Variants in CDH18 observed in about 807,000 individuals in gnomAD.
CDH18 encodes the protein cadherin 18, also known as cadherin-18.
Under a neutral mutation model 67.9 loss-of-function variants are expected in CDH18, and 31 were observed. That is an observed-to-expected ratio of 0.46 (90% CI 0.34 to 0.62). CDH18 has a LOEUF of 0.62. Among genes scored for constraint, CDH18 ranks in the 20% least tolerant of loss-of-function variants. The probability of loss-of-function intolerance (pLI) is 0.01; values close to 1 mark genes in which losing one functional copy is unlikely to be tolerated. For missense variants in CDH18, 890 were observed against 975.5 expected, an observed-to-expected ratio of 0.91 and a Z score of 1.17; for synonymous variants, 362 against 347.2, an observed-to-expected ratio of 1.04 and a Z score of -0.48.
rs150995574 is a variant in CDH18, at chr5:20,367,582, A to G, written c.-579-112077T>C. 4.1e-3 allele frequency among the ~76,000 whole-genome samples: 630 copies of G among 152,370 alleles called. 2 individuals carry two copies. Among genetic ancestry groups the G allele is most frequent in the Non-Finnish European group, 7.0e-3 (473 of 68,042 alleles). ...ACAATATTTTTAGACAATATGTAAC[A>G]ACAAGCATTCCCTTCCCACAAACAA... On this transcript the variant is annotated intron_variant, in intron 1 of 14. Transcript: ENST00000507958.
chr5:20,224,501 C>T (rs1167095082), intron 2 of CDH18, among the ~76,000 whole-genome samples: 1 of 146,156 alleles, frequency 6.8e-6, no homozygotes, highest in South Asian at 2.2e-4. Context: ...CTTGGATTTT[C>T]GCCAGGCAAA....
At chr5:19,850,564 C>T (rs1254610093) in intron 2 of CDH18, among the ~76,000 whole-genome samples, 4 of 151,762 alleles carry the variant, frequency 2.6e-5, no homozygotes, top group Admixed American at 2.6e-4. Context: ...CTAGGATAAA[C>T]TCTAGGAACA....
intron 1 of CDH18, among the ~76,000 whole-genome samples, chr5:20,401,257 A>G (rs1273881619): frequency 6.6e-6 from 1 of 152,216 alleles, no homozygotes; most frequent in Non-Finnish European, 1.5e-5. Flanking sequence ...TAAGTAGTCG[A>G]AATAATGAAA....
chr5:20,539,981 A>AT lies in CDH18; in HGVS notation c.-580+35480dup, dbSNP rs544393852. ...TAATGTCTAAACTGTCCAAATATGT[A>AT]TTTTTTTATTAAACCTAATAAACTG... is the stretch of plus-strand genomic sequence containing the variant. On this transcript the variant is annotated intron_variant, in intron 1 of 14. Transcript: ENST00000507958. Among the ~76,000 whole-genome samples the AT allele has an allele frequency of 2.0e-4, 30 of 152,152 alleles. 1 individual carries two copies. The highest frequency in any genetic ancestry group is 7.0e-4 in the African/African-American group (29 of 41,430).
At chr5:20,478,375 C>T (rs879121280) in intron 1 of CDH18, among the ~76,000 whole-genome samples, 1 of 152,154 alleles carries the variant, frequency 6.6e-6, no homozygotes. Context: ...ATGTCTGCTG[C>T]CCTGAAGGCA....
intron 2 of CDH18, among the ~76,000 whole-genome samples, chr5:19,856,315 C>G (rs1379806586): frequency 2.0e-5 from 3 of 152,058 alleles, no homozygotes; most frequent in African/African-American, 7.2e-5. Context: ...ATGTACTGCC[C>G]TAAAATTTTA....
chr5:19,846,826 T>A (rs562433887), intron 2 of CDH18, among the ~76,000 whole-genome samples: 4 of 152,270 alleles, frequency 2.6e-5, no homozygotes, highest in South Asian at 4.1e-4. Context: ...GGTAATGAAC[T>A]CCCTCAGTAT....
At chr5:19,869,119 T>C (rs1478798838) in intron 2 of CDH18, among the ~76,000 whole-genome samples, 1 of 152,186 alleles carries the variant, frequency 6.6e-6, no homozygotes, top group African/African-American at 2.4e-5. Flanking sequence ...CTGTGCCATA[T>C]GCACACTAGA....
intron 2 of CDH18, among the ~76,000 whole-genome samples, chr5:19,961,822 T>A (rs1336010297): frequency 6.6e-6 from 1 of 152,084 alleles, no homozygotes; most frequent in Non-Finnish European, 1.5e-5. Context: ...GTTTTTATTA[T>A]GGTCATGTAA....
At chr5:20,121,956 A>C (rs556801550) in intron 2 of CDH18, among the ~76,000 whole-genome samples, 1 of 152,342 alleles carries the variant, frequency 6.6e-6, no homozygotes, top group East Asian at 1.9e-4. Context: ...CACTAAATGC[A>C]CACGGAATGT....
In CDH18 at chr5:19,974,906, C is replaced by T. The variant is rs549951288; in HGVS notation, c.-257+6154G>A. Among the ~76,000 whole-genome samples, 16 of 152,184 alleles carry T rather than the reference C, an allele frequency of 1.1e-4. No individual in the cohort carries two copies. The East Asian group carries it at 1.5e-3, about 15-fold the overall frequency. ...AAGCTGGGCATGCTCCATTCTGACCCGGCTACTTTTAAGTAAGTGTGTCCC... is the reference window on the plus strand; with the variant it reads ...AAGCTGGGCATGCTCCATTCTGACCTGGCTACTTTTAAGTAAGTGTGTCCC... On this transcript the variant is annotated intron_variant, in intron 2 of 12. Coordinates refer to ENST00000382275, the MANE Select transcript of CDH18 (RefSeq NM_004934.5).
chr5:20,128,158 C>T (rs772953766), intron 2 of CDH18, among the ~76,000 whole-genome samples: 1 of 151,976 alleles, frequency 6.6e-6, no homozygotes, highest in Non-Finnish European at 1.5e-5. Flanking sequence ...CAGTCTGTAT[C>T]GCTAAACAGC....
At chr5:20,019,960 AG>A (rs1738253323) in intron 2 of CDH18, among the ~76,000 whole-genome samples, 1 of 152,220 alleles carries the variant, frequency 6.6e-6, no homozygotes, top group East Asian at 1.9e-4. Context: ...AATGAAGTCC[AG>A]CCTGAGGTAG....
intron 1 of CDH18, among the ~76,000 whole-genome samples, chr5:20,536,746 C>G (rs1185745499): frequency 1.3e-5 from 2 of 152,104 alleles, no homozygotes; most frequent in Non-Finnish European, 2.9e-5. Flanking sequence ...ATTGTTCTAA[C>G]TTCATAGTTC....
chr5:19,961,502 G>A (rs1796906572), intron 2 of CDH18, among the ~76,000 whole-genome samples: 1 of 152,030 alleles, frequency 6.6e-6, no homozygotes, highest in Non-Finnish European at 1.5e-5. Context: ...TATGTTATTG[G>A]TCAATATCAG....
At chr5:19,849,747 TATATACACGCATATATATAAAC>T (rs1783476675) in intron 2 of CDH18, among the ~76,000 whole-genome samples, 6 of 85,380 alleles carry the variant, frequency 7.0e-5, no homozygotes, top group Non-Finnish European at 1.9e-4. Context: ...TATAAACATA[TATATACACGCATATATATAAAC>T]ATATATATAT....
At chr5:20,039,624 T>C (rs976439087) in intron 2 of CDH18, among the ~76,000 whole-genome samples, 11 of 152,170 alleles carry the variant, frequency 7.2e-5, no homozygotes, top group African/African-American at 2.7e-4. Flanking sequence ...CAAATCTTGT[T>C]GGGAAAACTG....
intron 3 of CDH18, among the ~76,000 whole-genome samples, chr5:19,778,780 T>G (rs1231431282): frequency 6.6e-6 from 1 of 152,212 alleles, no homozygotes; most frequent in Non-Finnish European, 1.5e-5. Flanking sequence ...TGTTCCTTCA[T>G]GAATTGGATA....
chr5:19,480,342 T>C (rs148414458), intron 12 of CDH18, among the ~76,000 whole-genome samples: 3 of 148,572 alleles, frequency 2.0e-5, no homozygotes, highest in East Asian at 2.0e-4. Flanking sequence ...AATAAATATA[T>C]AAAGTTTATT....
Sources: gnomAD v4.1 joint callset for allele counts (sites outside exome capture counted in the v4.1 genomes callset) on GRCh38, gnomAD v4.1.1 for gene constraint, MANE v1.5 for transcripts, NCBI Gene and HGNC (gene_info 2026-07-23, HGNC 2026-07-21) for gene names.